The following BDKRB2 variants were observed in gnomAD, a reference collection of about 807,000 sequenced individuals.
BDKRB2 encodes the protein B2 bradykinin receptor.
In BDKRB2, 6 loss-of-function variants were observed where a neutral mutation model predicts 4.0. The ratio of observed to expected loss-of-function variants is 1.49; its 90% CI spans 0.81 to 2.93. The LOEUF is 2.93. Ranked by LOEUF, BDKRB2 falls within the 30% of genes most tolerant of loss-of-function variation. The pLI, the probability that BDKRB2 is intolerant of heterozygous loss-of-function variation, is 0.00. For synonymous variants in BDKRB2, 225 were observed against 215.3 expected, an observed-to-expected ratio of 1.05 and a Z score of -0.40; for missense variants, 478 against 520.1, an observed-to-expected ratio of 0.92 and a Z score of 0.79.
chr14:96,220,403 C>T (rs1035007885), intron 1 of BDKRB2, among the ~76,000 whole-genome samples: 1 of 152,102 alleles, frequency 6.6e-6, no homozygotes, highest in Non-Finnish European at 1.5e-5. Context: ...CACACCATGA[C>T]ACATAGACCC....
chr14:96,216,425 G>T (rs1890417694), intron 1 of BDKRB2, among the ~76,000 whole-genome samples: 1 of 152,024 alleles, frequency 6.6e-6, no homozygotes, highest in Non-Finnish European at 1.5e-5. Context: ...GAGGCCAGGA[G>T]TTCGAGACAA....
chr14:96,221,832 T>G (rs913213722), intron 1 of BDKRB2, among the ~76,000 whole-genome samples: 5 of 152,000 alleles, frequency 3.3e-5, no homozygotes, highest in African/African-American at 9.7e-5. Flanking sequence ...ATTGAGTGGG[T>G]CATAGGGGTT....
intron 2 of BDKRB2, chr14:96,237,713 C>A (rs980065578): frequency 2.3e-6 from 3 of 1,289,224 alleles, no homozygotes; most frequent in African/African-American, 3.0e-5. Context: ...CACCCTGCTG[C>A]AGGTGCTGCC....
intron 1 of BDKRB2, among the ~76,000 whole-genome samples, chr14:96,212,423 A>G (rs565746710): frequency 1.3e-5 from 2 of 152,324 alleles, no homozygotes; most frequent in South Asian, 2.1e-4. Flanking sequence ...GTTCAATTCA[A>G]TAAACTAGAT....
intron 1 of BDKRB2, among the ~76,000 whole-genome samples, chr14:96,213,024 G>A (rs1442086734): frequency 1.3e-5 from 2 of 152,050 alleles, no homozygotes; most frequent in African/African-American, 2.4e-5. Flanking sequence ...TTTAGAAATT[G>A]GCACCAACTG....
At chr14:96,216,932 G>C (rs1221337762) in intron 1 of BDKRB2, among the ~76,000 whole-genome samples, 1 of 152,224 alleles carries the variant, frequency 6.6e-6, no homozygotes, top group African/African-American at 2.4e-5. Context: ...GAACCAGAAA[G>C]CCCAAGGAGT....
intron 2 of BDKRB2, 151 bp from the exon 3 acceptor site, chr14:96,240,252 T>G (rs1008554028): frequency 1.5e-6 from 2 of 1,328,448 alleles, no homozygotes; most frequent in East Asian, 2.7e-5. Context: ...TCAGGTGCAC[T>G]GGAGCGCGGG....
At chr14:96,227,520 T>C (rs1457219180) in intron 1 of BDKRB2, among the ~76,000 whole-genome samples, 1 of 152,178 alleles carries the variant, frequency 6.6e-6, no homozygotes, top group Non-Finnish European at 1.5e-5. Context: ...CCAACATTCA[T>C]GTATGCACGC....
intron 1 of BDKRB2, among the ~76,000 whole-genome samples, chr14:96,232,203 C>T (rs567680722): frequency 3.9e-5 from 6 of 152,306 alleles, no homozygotes; most frequent in East Asian, 3.9e-4. Context: ...CTGACACACA[C>T]GGACTCGTCT....
At chr14:96,213,523 C>CACACAT in intron 1 of BDKRB2, among the ~76,000 whole-genome samples, 1 of 118,138 alleles carries the variant, frequency 8.5e-6, no homozygotes, top group Admixed American at 8.4e-5. Flanking sequence ...CACACACACA[C>CACACAT]ACACACACAC....
chr14:96,225,240 A>C (rs1346305168), intron 1 of BDKRB2, among the ~76,000 whole-genome samples: 1 of 152,072 alleles, frequency 6.6e-6, no homozygotes, highest in Non-Finnish European at 1.5e-5. Flanking sequence ...TCATTCTCCC[A>C]ATGAGGAAAT....
chr14:96,232,684 A>G (rs1409930469), intron 1 of BDKRB2, among the ~76,000 whole-genome samples: 1 of 152,190 alleles, frequency 6.6e-6, no homozygotes, highest in Non-Finnish European at 1.5e-5. Context: ...GAAAAAGGAG[A>G]TTACGCACAT....
In BDKRB2 at chr14:96,241,262, G is replaced by A. The variant is rs1252615530; in HGVS notation, c.934G>A (p.Val312Ile). 6 of 1,613,698 alleles carry A rather than the reference G, an allele frequency of 3.7e-6. No homozygotes were observed. The highest frequency in any genetic ancestry group is 2.2e-5 in the East Asian group (1 of 44,890). ...SSCQDERIID[V>I]ITQIASFMAY... ...CTGCCAGGACGAGCGCATCATCGAT[G>A]TAATCACACAGATCGCCTCCTTCAT... Residue 312 changes from valine to isoleucine, a missense_variant, in exon 3 of 3, where the codon GTA becomes ATA. Coordinates refer to ENST00000554311, the MANE Select transcript of BDKRB2 (RefSeq NM_001379692.1).
At chr14:96,224,421 C>T (rs1003584218) in intron 1 of BDKRB2, among the ~76,000 whole-genome samples, 10 of 152,202 alleles carry the variant, frequency 6.6e-5, no homozygotes, top group Non-Finnish European at 1.5e-4. Flanking sequence ...TTAGTCCCTA[C>T]ATTGCAGGGG....
intron 1 of BDKRB2, among the ~76,000 whole-genome samples, chr14:96,226,391 A>G (rs1395647809): frequency 6.6e-6 from 1 of 152,182 alleles, no homozygotes; most frequent in African/African-American, 2.4e-5. Flanking sequence ...CGGTGACTCA[A>G]GCCTGTAATC....
chr14:96,236,582 C>T (rs188016348), intron 1 of BDKRB2, among the ~76,000 whole-genome samples: 2 of 152,278 alleles, frequency 1.3e-5, no homozygotes, highest in African/African-American at 4.8e-5. Context: ...CATCCCAGGT[C>T]GAAGCTAATG....
At chr14:96,234,445 C>G (rs1423232886) in intron 1 of BDKRB2, among the ~76,000 whole-genome samples, 3 of 152,144 alleles carry the variant, frequency 2.0e-5, no homozygotes, top group African/African-American at 7.2e-5. Context: ...TGGCCAAACC[C>G]AAAGAGAAGC....
intron 1 of BDKRB2, among the ~76,000 whole-genome samples, chr14:96,235,666 CCGTTGTCTGATCTCCACCT>C (rs1890914787): frequency 6.6e-6 from 1 of 152,220 alleles, no homozygotes; most frequent in Non-Finnish European, 1.5e-5. Flanking sequence ...CCTGAACTGA[CCGTTGTCTGATCTCCACCT>C]CCCAACTGAA....
At chr14:96,218,047 A>T (rs1009426417) in intron 1 of BDKRB2, among the ~76,000 whole-genome samples, 1 of 152,078 alleles carries the variant, frequency 6.6e-6, no homozygotes, top group Non-Finnish European at 1.5e-5. Flanking sequence ...GGGCATAACA[A>T]GTTCCTCCAG....
Sources: gnomAD v4.1 joint callset for allele counts (sites outside exome capture counted in the v4.1 genomes callset) on GRCh38, gnomAD v4.1.1 for gene constraint, MANE v1.5 for transcripts, NCBI Gene and HGNC (gene_info 2026-07-23, HGNC 2026-07-21) for gene names.